The following LNP1 variants were observed in gnomAD, a reference collection of about 807,000 sequenced individuals.
LNP1 encodes leukemia NUP98 fusion partner 1.
In LNP1, 12 loss-of-function variants were observed where a neutral mutation model predicts 14.5. The ratio of observed to expected loss-of-function variants is 0.83; its 90% CI spans 0.53 to 1.34. The LOEUF is 1.34. LNP1 is among the 40% of genes most tolerant of loss of function. The pLI, the probability that LNP1 is intolerant of heterozygous loss-of-function variation, is 0.00. For synonymous variants in LNP1, 75 were observed against 71.4 expected (o/e 1.05, Z -0.26); for missense variants, 198 against 210.9 (o/e 0.94, Z 0.38).
At chr3:100,430,528 C>T (rs1040440015) in intron 2 of LNP1, among the ~76,000 whole-genome samples, 6 of 152,198 alleles carry the variant, frequency 3.9e-5, no homozygotes, top group Non-Finnish European at 8.8e-5. Context: ...GTGACATGTA[C>T]AGGCGGCTAT....
intron 2 of LNP1, among the ~76,000 whole-genome samples, chr3:100,450,932 A>G (rs1275495205): frequency 6.6e-6 from 1 of 152,202 alleles, no homozygotes; most frequent in Non-Finnish European, 1.5e-5. Context: ...ACAGCAAAAT[A>G]AACTTTAGAT....
At chr3:100,438,917 T>C (rs183531170) in intron 2 of LNP1, among the ~76,000 whole-genome samples, 2 of 152,326 alleles carry the variant, frequency 1.3e-5, no homozygotes, top group East Asian at 3.9e-4. Flanking sequence ...TTAGGTCTTA[T>C]TGGGGAAAAT....
At chr3:100,425,938 A>G (rs904706940) in intron 1 of LNP1, among the ~76,000 whole-genome samples, 10 of 152,222 alleles carry the variant, frequency 6.6e-5, no homozygotes, top group African/African-American at 2.4e-4. Flanking sequence ...AGCAAAGAAG[A>G]GTCAGACTAT....
intron 1 of LNP1, among the ~76,000 whole-genome samples, chr3:100,426,834 TAGAG>T (rs771974199): frequency 4.6e-5 from 7 of 152,200 alleles, no homozygotes; most frequent in Admixed American, 2.0e-4. Flanking sequence ...ATACTTCTTA[TAGAG>T]TAGCTTTCCC....
At chr3:100,436,130 G>A (rs1467433177) in intron 2 of LNP1, among the ~76,000 whole-genome samples, 2 of 152,138 alleles carry the variant, frequency 1.3e-5, no homozygotes, top group African/African-American at 4.8e-5. Flanking sequence ...AAAACCTTGT[G>A]GCGGTCAGAA....
chr3:100,433,837 A>T (rs1230549572), intron 2 of LNP1, among the ~76,000 whole-genome samples: 1 of 151,928 alleles, frequency 6.6e-6, no homozygotes, highest in Admixed American at 6.6e-5. Context: ...CTTTTTTCAT[A>T]TGTTTTTTTG....
At position 100,429,856 on chromosome 3, in the gene LNP1, A is replaced by G. The variant is rs558095239; in HGVS notation, c.127A>G (p.Ser43Gly). The change falls in exon 2 of 4, where the codon AGT (serine) becomes GGT (glycine). Residue 43 changes from serine (S) to glycine (G), a missense_variant. Transcript: ENST00000383693. Reference sequence around the variant, plus strand: ...GGAACGCCACCGACTGCAAGCCACCAGTCACAGGAAAACCTCCCTGCCCTG... The same window carrying G: ...GGAACGCCACCGACTGCAAGCCACCGGTCACAGGAAAACCTCCCTGCCCTG... ...LRERHRLQAT[S>G]HRKTSLPCPL... is the part of the protein sequence containing the mutation. The G allele has an allele frequency of 8.7e-6, 14 of 1,613,946 alleles. No homozygotes were observed. The African/African-American group carries it at 1.2e-4, about 14-fold the overall frequency.
intron 1 of LNP1, among the ~76,000 whole-genome samples, chr3:100,411,796 C>T (rs547305177): frequency 6.6e-6 from 1 of 152,258 alleles, no homozygotes; most frequent in Non-Finnish European, 1.5e-5. Context: ...ATAATCTCAT[C>T]TAACCCAAAT....
intron 1 of LNP1, among the ~76,000 whole-genome samples, chr3:100,406,288 G>GA (rs901776592): frequency 1.1e-4 from 16 of 145,932 alleles, no homozygotes; most frequent in Admixed American, 4.8e-4. Context: ...GCCGCCTCAA[G>GA]AAAAAAAAAA....
intron 2 of LNP1, among the ~76,000 whole-genome samples, chr3:100,431,212 G>A (rs1707239130): frequency 6.6e-6 from 1 of 152,166 alleles, no homozygotes; most frequent in African/African-American, 2.4e-5. Context: ...AACATAGAAA[G>A]AAACATGGTT....
At chr3:100,413,894 C>G (rs1477524830) in intron 1 of LNP1, among the ~76,000 whole-genome samples, 1 of 152,196 alleles carries the variant, frequency 6.6e-6, no homozygotes, top group Non-Finnish European at 1.5e-5. Flanking sequence ...TAGCATTGCT[C>G]TAGCATTGAA....
At chr3:100,417,371 CTT>C (rs562000656) in intron 1 of LNP1, among the ~76,000 whole-genome samples, 2 of 64,620 alleles carry the variant, frequency 3.1e-5, no homozygotes, top group Non-Finnish European at 5.7e-5. Flanking sequence ...TTTCTTTTTT[CTT>C]TTTTTTTTTT....
intron 3 of LNP1, among the ~76,000 whole-genome samples, chr3:100,453,766 C>T (rs1383194059): frequency 1.3e-5 from 2 of 152,108 alleles, no homozygotes; most frequent in African/African-American, 2.4e-5. Context: ...CCTTTTCCCA[C>T]CTCCAAACAC....
intron 1 of LNP1, among the ~76,000 whole-genome samples, chr3:100,404,808 T>C (rs78709845): frequency 4.6e-5 from 7 of 151,178 alleles, no homozygotes; most frequent in East Asian, 1.9e-4. Context: ...TTTTTTTTTT[T>C]CCAAGATGGA....
At chr3:100,435,333 A>G (rs897952422) in intron 2 of LNP1, among the ~76,000 whole-genome samples, 2 of 152,146 alleles carry the variant, frequency 1.3e-5, no homozygotes, top group Non-Finnish European at 2.9e-5. Flanking sequence ...TTCATTTACT[A>G]GCAGCATAAC....
rs66513332 is a variant in LNP1 at position 100,431,992 on chromosome 3, TTATATATATATATA to T, written c.156+2155_156+2168del. On this transcript the variant is annotated intron_variant, in intron 2 of 3. Transcript: ENST00000383693. ...CCTGGGTAACAGAATGAGACCTTGT[TTATATATATATATA>T]TATATATATATATATATATATATAT... Among the ~76,000 whole-genome samples, 254 of 34,542 alleles carry T rather than the reference TTATATATATATATA, an allele frequency of 7.4e-3. 4 individuals carry two copies. Among genetic ancestry groups the T allele is most frequent in the South Asian group, 0.018 (11 of 602 alleles). The allele number at this position is 34,542 out of a possible 152,430, so 22.7% of individuals were successfully genotyped here. A position where few individuals can be genotyped will look rare whatever the true frequency, so the allele number is the denominator to read the frequency against.
chr3:100,402,565 G>C (rs921052002), intron 1 of LNP1, 126 bp downstream of exon 1: 1 of 152,012 alleles, frequency 6.6e-6, no homozygotes, highest in Non-Finnish European at 1.5e-5. Context: ...CTCCCCTCCT[G>C]ATCCCCCAAT....
At chr3:100,447,037 G>C (rs1276471561) in intron 2 of LNP1, among the ~76,000 whole-genome samples, 1 of 152,166 alleles carries the variant, frequency 6.6e-6, no homozygotes, top group African/African-American at 2.4e-5. Context: ...GGAAGACAGG[G>C]CGGCAATTCC....
chr3:100,446,839 C>T (rs907984917), intron 2 of LNP1, among the ~76,000 whole-genome samples: 2 of 152,144 alleles, frequency 1.3e-5, no homozygotes, highest in Non-Finnish European at 2.9e-5. Context: ...AACCAACAGA[C>T]ACATGAAAAA....
Sources: allele counts gnomAD v4.1 joint callset (sites outside exome capture counted in the v4.1 genomes callset), GRCh38; gene constraint gnomAD v4.1.1; transcripts MANE v1.5; gene names NCBI Gene and HGNC (gene_info 2026-07-23, HGNC 2026-07-21).